The following ADORA1 variants were observed in gnomAD, a reference collection of about 807,000 sequenced individuals.
The protein encoded by ADORA1 is adenosine A1 receptor.
A neutral mutation model predicts 19.9 loss-of-function variants in ADORA1; 6 were observed. The ratio of observed to expected loss-of-function variants is 0.30; its 90% CI spans 0.17 to 0.59. ADORA1 has a LOEUF of 0.59. Among genes scored for constraint, ADORA1 ranks in the 20% least tolerant of loss-of-function variants. The pLI is 0.87. For missense variants in ADORA1, 302 were observed against 439.2 expected, an observed-to-expected ratio of 0.69 and a Z score of 2.79; for synonymous variants, 194 against 188.4, an observed-to-expected ratio of 1.03 and a Z score of -0.24.
chr1:203,133,086 C>T (rs1437820804), intron 3 of ADORA1, among the ~76,000 whole-genome samples: 5 of 150,582 alleles, frequency 3.3e-5, no homozygotes, highest in African/African-American at 1.2e-4. Context: ...ACTAGTAGAG[C>T]TTATTGTTAC....
At chr1:203,164,731 G>T (rs1273725365) in intron 3 of ADORA1, among the ~76,000 whole-genome samples, 1 of 152,174 alleles carries the variant, frequency 6.6e-6, no homozygotes, top group African/African-American at 2.4e-5. Context: ...GGGATGGTTT[G>T]TTAATCACTT....
At chr1:203,162,748 A>T (rs1193448909) in intron 3 of ADORA1, among the ~76,000 whole-genome samples, 1 of 152,190 alleles carries the variant, frequency 6.6e-6, no homozygotes, top group Non-Finnish European at 1.5e-5. Flanking sequence ...AATTTATGAA[A>T]TGGGGATTCC....
chr1:203,144,960 G>C (rs1163336970), intron 3 of ADORA1: 2 of 152,312 alleles, frequency 1.3e-5, no homozygotes, highest in Non-Finnish European at 2.9e-5. Flanking sequence ...ATCCTCAACG[G>C]GTTCAAGCCC....
intron 3 of ADORA1, among the ~76,000 whole-genome samples, chr1:203,136,934 T>C (rs931107418): frequency 1.3e-5 from 2 of 152,190 alleles, no homozygotes; most frequent in African/African-American, 4.8e-5. Context: ...GATACTTTCA[T>C]TAATAAAACA....
At chr1:203,148,161 G>A (rs1654921731) in intron 3 of ADORA1, among the ~76,000 whole-genome samples, 1 of 152,218 alleles carries the variant, frequency 6.6e-6, no homozygotes, top group African/African-American at 2.4e-5. Context: ...AGAGGTTGCT[G>A]TGAGCTGAGA....
In ADORA1 at chr1:203,128,441, C is replaced by T. The variant is rs1481473857; in HGVS notation, c.-58+9C>T. The T allele has an allele frequency of 7.7e-7, 1 of 1,293,490 alleles. No individual in the cohort carries two copies. Among genetic ancestry groups the T allele is most frequent in the African/African-American group, 1.5e-5 (1 of 66,102 alleles). 80.1% of individuals were successfully genotyped at this position (1,293,490 alleles called of 1,614,324 possible). The stretch of plus-strand genomic sequence containing the variant: ...GGCCAGCAGGCAGGATGGTGAGCTC[C>T]CTGCATCCTGTTCTGTGCACAGGGG... On this transcript the variant is annotated intron_variant, in intron 2 of 3. Coordinates refer to ENST00000337894, the MANE Select transcript of ADORA1 (RefSeq NM_000674.3). This position sits in a 1 kb window ranked among gnomAD's most constrained non-coding sequence, Gnocchi z 5.9.
chr1:203,165,157 G>A lies in ADORA1; in HGVS notation c.342-104G>A. 1 of 1,584,582 alleles carries A rather than the reference G, an allele frequency of 6.3e-7. No individual in the cohort carries two copies. The highest frequency in any genetic ancestry group is 8.6e-7 in the Non-Finnish European group (1 of 1,165,950). On this transcript the variant is annotated intron_variant, in intron 3 of 3. Coordinates refer to ENST00000337894, the MANE Select transcript of ADORA1 (RefSeq NM_000674.3). This position sits in a 1 kb window ranked among gnomAD's most constrained non-coding sequence, Gnocchi z 5.9. Reference sequence around the variant, plus strand: ...CCCCACTCACCGGGCCCTGGAAGAGGAGGGTGCTCCTCTTAGAGGCCCCTG... The same window carrying A: ...CCCCACTCACCGGGCCCTGGAAGAGAAGGGTGCTCCTCTTAGAGGCCCCTG...
intron 3 of ADORA1, among the ~76,000 whole-genome samples, chr1:203,142,272 C>G (rs1029416734): frequency 1.3e-5 from 2 of 152,200 alleles, no homozygotes; most frequent in African/African-American, 4.8e-5. Context: ...GGGTTCCGGT[C>G]AGTGGCAAAA....
intron 3 of ADORA1, among the ~76,000 whole-genome samples, chr1:203,129,955 C>A (rs1354840219): frequency 6.6e-6 from 1 of 152,226 alleles, no homozygotes; most frequent in Non-Finnish European, 1.5e-5. Flanking sequence ...GGTGTCCAGC[C>A]CATGTTGGAG....
chr1:203,161,333 G>A (rs1442074508), intron 3 of ADORA1, among the ~76,000 whole-genome samples: 6 of 152,142 alleles, frequency 3.9e-5, no homozygotes, highest in Admixed American at 3.3e-4. Context: ...AGGTGGGCGT[G>A]GTGGCTCATA....
In ADORA1 at chr1:203,143,557, GTT is replaced by G. The variant is rs1491507257; in HGVS notation, c.341+14377_341+14378del. ...TGCACACCTGTGTGTGTGTGTGTGT[GTT>G]TGTGTGTGCAGGGGGTTATAGCTTT... is the stretch of plus-strand genomic sequence containing the variant. On this transcript the variant is annotated intron_variant, in intron 3 of 3. Coordinates refer to ENST00000337894, the MANE Select transcript of ADORA1 (RefSeq NM_000674.3). Among the ~76,000 whole-genome samples, 292 of 151,592 alleles carry G rather than the reference GTT, an allele frequency of 1.9e-3. 6 individuals carry two copies. The South Asian group carries it at 0.028, about 14-fold the overall frequency.
At chr1:203,144,466 T>A (rs1411264829) in intron 3 of ADORA1, among the ~76,000 whole-genome samples, 1 of 152,216 alleles carries the variant, frequency 6.6e-6, no homozygotes, top group African/African-American at 2.4e-5. Flanking sequence ...TGCAATTTTA[T>A]GAAGAGGTCC....
intron 3 of ADORA1, among the ~76,000 whole-genome samples, chr1:203,139,664 A>T (rs1654617133): frequency 2.0e-5 from 3 of 152,254 alleles, no homozygotes; most frequent in African/African-American, 7.2e-5. Flanking sequence ...TGGCAGATTC[A>T]TGATGAGATT....
At chr1:203,148,537 G>T (rs1654932298) in intron 3 of ADORA1, among the ~76,000 whole-genome samples, 1 of 152,188 alleles carries the variant, frequency 6.6e-6, no homozygotes, top group South Asian at 2.1e-4. Context: ...ACAGTGTTTT[G>T]CCTGTCACAG....
intron 3 of ADORA1, among the ~76,000 whole-genome samples, chr1:203,158,193 C>T (rs1655254700): frequency 6.6e-6 from 1 of 152,128 alleles, no homozygotes; most frequent in Admixed American, 6.5e-5. Flanking sequence ...CTATAAATGG[C>T]AAAAAGAAAC....
chr1:203,158,994 C>T (rs1203985070), intron 3 of ADORA1, among the ~76,000 whole-genome samples: 1 of 152,192 alleles, frequency 6.6e-6, no homozygotes, highest in African/African-American at 2.4e-5. Context: ...TCTTAAAGTC[C>T]CACCTTTCAA....
chr1:203,155,772 G>A (rs1011373689), intron 3 of ADORA1, among the ~76,000 whole-genome samples: 7 of 152,162 alleles, frequency 4.6e-5, no homozygotes, highest in East Asian at 3.9e-4. Context: ...TTGTCATAGC[G>A]GCCTTATGTC....
At chr1:203,162,245 C>T (rs930171672) in intron 3 of ADORA1, among the ~76,000 whole-genome samples, 2 of 152,180 alleles carry the variant, frequency 1.3e-5, no homozygotes, top group Non-Finnish European at 1.5e-5. Flanking sequence ...CCCTTTCCCA[C>T]CAGGGAGAAA....
intron 3 of ADORA1, among the ~76,000 whole-genome samples, chr1:203,161,135 T>C (rs942842338): frequency 2.6e-5 from 4 of 152,264 alleles, no homozygotes; most frequent in African/African-American, 9.6e-5. Context: ...TTGCCAACAC[T>C]GAGAGGTTCA....
Sources: allele counts gnomAD v4.1 joint callset (sites outside exome capture counted in the v4.1 genomes callset), GRCh38; gene constraint gnomAD v4.1.1; non-coding constraint Gnocchi (gnomAD v3.1); transcripts MANE v1.5; gene names NCBI Gene and HGNC (gene_info 2026-07-23, HGNC 2026-07-21).